The following RAD51B variants were observed in gnomAD, a reference collection of about 807,000 sequenced individuals.
RAD51B encodes RAD51 paralog B, also known as DNA repair protein RAD51 homolog 2.
A neutral mutation model predicts 42.2 loss-of-function variants in RAD51B; 38 were observed. The ratio of observed to expected loss-of-function variants is 0.90; its 90% CI spans 0.70 to 1.18. RAD51B has a LOEUF of 1.18. RAD51B is among the 50% of genes most tolerant of loss of function. RAD51B has a pLI of 0.00. For missense variants in RAD51B, 373 were observed against 400.7 expected (o/e 0.93, Z 0.59); for synonymous variants, 154 against 145.2 (o/e 1.06, Z -0.43).
intron 7 of RAD51B, among the ~76,000 whole-genome samples, chr14:68,095,530 T>C (rs2077177249): frequency 1.3e-5 from 2 of 152,276 alleles, no homozygotes; most frequent in Non-Finnish European, 2.9e-5. Flanking sequence ...ATTTCATGTA[T>C]ACTGTTTTTT....
intron 8 of RAD51B, among the ~76,000 whole-genome samples, chr14:68,312,782 G>A (rs1289160677): frequency 2.0e-5 from 3 of 152,164 alleles, no homozygotes; most frequent in Non-Finnish European, 2.9e-5. Context: ...ATAAAATGTT[G>A]CTAAGAGCAA....
At chr14:68,162,199 C>T (rs532101378) in intron 7 of RAD51B, among the ~76,000 whole-genome samples, 62 of 152,216 alleles carry the variant, frequency 4.1e-4, no homozygotes, top group Middle Eastern at 3.4e-3. Context: ...GGGAAACTTC[C>T]TTTAATTTCC....
intron 7 of RAD51B, among the ~76,000 whole-genome samples, chr14:68,090,590 T>A (rs1471631393): frequency 6.6e-6 from 1 of 151,962 alleles, no homozygotes; most frequent in East Asian, 1.9e-4. Flanking sequence ...GTACTTCAGG[T>A]TTGCAAACAT....
At chr14:68,383,382 C>G (rs189313148) in intron 8 of RAD51B, among the ~76,000 whole-genome samples, 1 of 152,230 alleles carries the variant, frequency 6.6e-6, no homozygotes, top group East Asian at 1.9e-4. Flanking sequence ...TGCTAAGCAT[C>G]CTACAATAAA....
chr14:68,315,000 A>G (rs1395938881), intron 8 of RAD51B, among the ~76,000 whole-genome samples: 1 of 152,214 alleles, frequency 6.6e-6, no homozygotes, highest in African/African-American at 2.4e-5. Flanking sequence ...CCACATGTAA[A>G]GTTAACTCCC....
At chr14:67,856,595 A>G (rs936301165) in intron 4 of RAD51B, among the ~76,000 whole-genome samples, 2 of 152,258 alleles carry the variant, frequency 1.3e-5, no homozygotes, top group African/African-American at 4.8e-5. Flanking sequence ...TCTGCCAGGT[A>G]TTGGCTTGGC....
intron 7 of RAD51B, among the ~76,000 whole-genome samples, chr14:68,245,261 C>A (rs1434280457): frequency 6.6e-6 from 1 of 152,168 alleles, no homozygotes; most frequent in Non-Finnish European, 1.5e-5. Flanking sequence ...CCTATTTCCC[C>A]CTCACTAATT....
rs1317756485 is a variant in RAD51B, at chr14:68,302,441, A to T, written c.853+10461A>T. 2.0e-5 allele frequency among the ~76,000 whole-genome samples: 3 copies of T among 151,726 alleles called. No homozygotes were observed. In the East Asian group the frequency reaches 5.8e-4, roughly 29 times the overall value. On this transcript the variant is annotated intron_variant, in intron 8 of 10. Coordinates refer to ENST00000471583, the MANE Select transcript of RAD51B (RefSeq NM_133510.4). Reference sequence around the variant, plus strand: ...AATTAACAGCAGTTCTTAATAGGAGAGAGAGAAGGGGAAAGTGCACCTGAC... The same window carrying T: ...AATTAACAGCAGTTCTTAATAGGAGTGAGAGAAGGGGAAAGTGCACCTGAC...
chr14:68,258,391 T>A (rs2080800247), intron 7 of RAD51B, among the ~76,000 whole-genome samples: 1 of 151,308 alleles, frequency 6.6e-6, no homozygotes, highest in South Asian at 2.1e-4. Context: ...GGAGACCCTG[T>A]CTCTATACAC....
downstream of RAD51B, among the ~76,000 whole-genome samples, chr14:68,481,932 T>C (rs564759595): frequency 2.5e-4 from 38 of 152,110 alleles, no homozygotes; most frequent in Admixed American, 1.4e-3. Flanking sequence ...ATAGTAGAGG[T>C]TCCATCACTG....
chr14:68,267,230 T>C (rs1255882032), intron 7 of RAD51B, among the ~76,000 whole-genome samples: 1 of 152,180 alleles, frequency 6.6e-6, no homozygotes, highest in African/African-American at 2.4e-5. Context: ...GCTCTGAAGG[T>C]GAACAATCCA....
intron 10 of RAD51B, among the ~76,000 whole-genome samples, chr14:68,472,976 C>T (rs529919644): frequency 5.9e-5 from 9 of 152,160 alleles, no homozygotes; most frequent in Non-Finnish European, 1.0e-4. Context: ...CACAAACTTG[C>T]GTTAAGTTTT....
intron 11 of RAD51B, among the ~76,000 whole-genome samples, chr14:68,673,483 A>G (rs1893206713): frequency 1.3e-5 from 2 of 151,754 alleles, no homozygotes. Flanking sequence ...ATGTACACAC[A>G]TGCACATACT....
At chr14:68,239,988 C>T (rs1051110727) in intron 7 of RAD51B, among the ~76,000 whole-genome samples, 11 of 152,240 alleles carry the variant, frequency 7.2e-5, no homozygotes, top group Non-Finnish European at 4.4e-5. Flanking sequence ...CAGAAGGCCA[C>T]TGTCTGTCCA....
intron 7 of RAD51B, among the ~76,000 whole-genome samples, chr14:68,123,331 G>T (rs561448001): frequency 6.6e-6 from 1 of 151,896 alleles, no homozygotes; most frequent in Non-Finnish European, 1.5e-5. Flanking sequence ...GGGATCATAG[G>T]CGTGTACCAC....
chr14:67,911,963 T>TC (rs1267028703), intron 7 of RAD51B, among the ~76,000 whole-genome samples: 2 of 152,196 alleles, frequency 1.3e-5, no homozygotes, highest in Admixed American at 6.5e-5. Flanking sequence ...AAGAATGTCA[T>TC]CCCCCTGCTA....
chr14:67,991,121 T>C (rs61099617), intron 7 of RAD51B, among the ~76,000 whole-genome samples: 5,593 of 152,252 alleles, frequency 0.037, 347 homozygotes, highest in African/African-American at 0.13. Flanking sequence ...AACTCATTTT[T>C]GGTCTTTTTT....
At chr14:67,991,641 T>A (rs903245579) in intron 7 of RAD51B, among the ~76,000 whole-genome samples, 2 of 152,194 alleles carry the variant, frequency 1.3e-5, no homozygotes. Context: ...TCACCTTCAT[T>A]ATATATATCA....
At chr14:68,285,845 T>A (rs1296676393) in intron 7 of RAD51B, among the ~76,000 whole-genome samples, 1 of 152,090 alleles carries the variant, frequency 6.6e-6, no homozygotes, top group Non-Finnish European at 1.5e-5. Context: ...GCGCCGGAAA[T>A]GATAACCACA....
Sources: allele counts gnomAD v4.1 joint callset (sites outside exome capture counted in the v4.1 genomes callset), GRCh38; gene constraint gnomAD v4.1.1; transcripts MANE v1.5; gene names NCBI Gene and HGNC (gene_info 2026-07-23, HGNC 2026-07-21).